Variants in USP6NL observed in about 807,000 individuals in gnomAD.
USP6NL encodes USP6 N-terminal like, also known as USP6 N-terminal-like protein.
A neutral mutation model predicts 61.9 loss-of-function variants in USP6NL; 26 were observed. The ratio of observed to expected loss-of-function variants is 0.42; its 90% confidence interval spans 0.31 to 0.58. The LOEUF (loss-of-function observed/expected upper bound fraction) is 0.58. Ranked by LOEUF, USP6NL falls within the 20% of genes least tolerant of loss-of-function variation. The probability of loss-of-function intolerance (pLI) is 0.16; values close to 1 mark genes in which losing one functional copy is unlikely to be tolerated. For missense variants in USP6NL, 1,114 were observed against 1,034.3 expected (o/e 1.08, Z -1.06); for synonymous variants, 432 against 390.1 (o/e 1.11, Z -1.27).
chr10:11,563,430 A>G (rs910526485), intron 2 of USP6NL: 1 of 152,132 alleles, frequency 6.6e-6, no homozygotes, highest in Non-Finnish European at 1.5e-5. Flanking sequence ...ACATACACAC[A>G]AATGTCACAC....
intron 3 of USP6NL, 48 bp downstream of exon 3, chr10:11,527,452 T>C (rs1197399476): frequency 4.6e-6 from 7 of 1,516,634 alleles, no homozygotes; most frequent in East Asian, 2.4e-5. Flanking sequence ...TCTATTTATA[T>C]GGTTTTTCTA....
chr10:11,492,129 C>T (rs1210883147), intron 8 of USP6NL, among the ~76,000 whole-genome samples: 3 of 152,110 alleles, frequency 2.0e-5, no homozygotes, highest in Admixed American at 6.5e-5. Context: ...GGCATCCTCA[C>T]GTGGGGAAAG....
intron 2 of USP6NL, among the ~76,000 whole-genome samples, chr10:11,551,228 G>T (rs1836469978): frequency 6.6e-6 from 1 of 152,132 alleles, no homozygotes; most frequent in Admixed American, 6.5e-5. Context: ...CCATCAATTG[G>T]TGAAAAGGTA....
At position 11,496,901 on chromosome 10, in the gene USP6NL, C is replaced by T. The variant is rs946713424; in HGVS notation, c.385-3673G>A. The stretch of plus-strand genomic sequence containing the variant: ...AAGGTCAGAGAAGGGGCTTCTGCAG[C>T]TTTTTAAAACAGGAAGAACAGCCAC... On this transcript the variant is annotated intron_variant, in intron 7 of 14. Transcript: ENST00000609104. The surrounding 1 kb of genome is among the most constrained non-coding windows in gnomAD (Gnocchi z 5.4). 1.3e-5 allele frequency among the ~76,000 whole-genome samples: 2 copies of T among 151,964 alleles called. No individual in the cohort carries two copies. The highest frequency in any genetic ancestry group is 4.8e-5 in the African/African-American group (2 of 41,342).
At chr10:11,603,693 G>A (rs1173311630) in intron 1 of USP6NL, among the ~76,000 whole-genome samples, 4 of 152,012 alleles carry the variant, frequency 2.6e-5, no homozygotes, top group African/African-American at 9.7e-5. Context: ...TCCACAACAC[G>A]CAAAAACTGC....
chr10:11,531,875 C>G (rs1835675027), intron 2 of USP6NL, among the ~76,000 whole-genome samples: 1 of 152,118 alleles, frequency 6.6e-6, no homozygotes, highest in Admixed American at 6.5e-5. Context: ...AAAATGACAA[C>G]TCCACATTTT....
chr10:11,547,579 G>A (rs557503573), intron 2 of USP6NL, among the ~76,000 whole-genome samples: 7 of 141,146 alleles, frequency 5.0e-5, no homozygotes, highest in Admixed American at 2.3e-4. Context: ...TCACTCTGTC[G>A]CCCACGCTGA....
At chr10:11,469,354 T>C (rs1022535819) in intron 14 of USP6NL, among the ~76,000 whole-genome samples, 2 of 152,184 alleles carry the variant, frequency 1.3e-5, no homozygotes, top group African/African-American at 4.8e-5. Context: ...TGAGTTAGAG[T>C]AATGACACAC....
chr10:11,473,307 C>A (rs2133188212), intron 14 of USP6NL, among the ~76,000 whole-genome samples: 1 of 152,258 alleles, frequency 6.6e-6, no homozygotes, highest in East Asian at 1.9e-4. Flanking sequence ...GGTTACTGTC[C>A]CAGGGAACTT....
At chr10:11,603,985 C>A (rs1288915771) in intron 1 of USP6NL, among the ~76,000 whole-genome samples, 4 of 152,100 alleles carry the variant, frequency 2.6e-5, no homozygotes, top group African/African-American at 9.7e-5. Context: ...TATAGGAAGT[C>A]CTCAATGCAA....
intron 8 of USP6NL, among the ~76,000 whole-genome samples, 196 bp downstream of exon 8, chr10:11,492,923 G>A (rs1387226735): frequency 6.6e-6 from 1 of 152,036 alleles, no homozygotes; most frequent in Non-Finnish European, 1.5e-5. Context: ...TTTATAGCAC[G>A]TGCTATATCA....
intron 2 of USP6NL, among the ~76,000 whole-genome samples, chr10:11,568,748 T>G (rs923074576): frequency 6.6e-6 from 1 of 152,278 alleles, no homozygotes; most frequent in African/African-American, 2.4e-5. Context: ...CCATATTGCT[T>G]TTGTCCTTAC....
chr10:11,462,697 C>G lies in USP6NL; in HGVS notation c.2231G>C (p.Arg744Thr), dbSNP rs950764908. Residue 744 changes from arginine to threonine, a missense_variant, in exon 15 of 15, where the codon AGA becomes ACA. Coordinates refer to ENST00000609104, the MANE Select transcript of USP6NL (RefSeq NM_014688.5). ...CCATGATTGTCCCTGCGTCTCAGGT[C>G]TGTATGTATAACTAACTTCTGACCA... ...RTWSEVSYTY[R>T]PETQGQSWTR... 7 of 1,613,868 alleles carry G rather than the reference C, an allele frequency of 4.3e-6. No individual in the cohort carries two copies. The African/African-American group carries it at 8.0e-5, about 18-fold the overall frequency.
chr10:11,603,928 A>G (rs1270884421), intron 1 of USP6NL, among the ~76,000 whole-genome samples: 1 of 152,246 alleles, frequency 6.6e-6, no homozygotes, highest in Admixed American at 6.5e-5. Context: ...ACTGGAATTC[A>G]GCAGTACAAT....
chr10:11,502,714 T>C (rs1834254120), intron 6 of USP6NL, among the ~76,000 whole-genome samples: 1 of 152,246 alleles, frequency 6.6e-6, no homozygotes, highest in South Asian at 2.1e-4. Flanking sequence ...TTCGATCATG[T>C]GGTTGAAGGT....
rs547565617 is a variant in USP6NL, at chr10:11,465,214, C to A, written c.1079-1365G>T. ...TCTGACAGTTTTCTAAGGGCAGAAC[C>A]CAGTAATCTGATTGGCTAATTCAGT... On this transcript the variant is annotated intron_variant, in intron 14 of 14. Transcript: ENST00000609104. The surrounding 1 kb of genome is among the most constrained non-coding windows in gnomAD (Gnocchi z 4.5). Among the ~76,000 whole-genome samples the A allele has an allele frequency of 6.6e-6, 1 of 152,324 alleles. No individual in the cohort carries two copies. Among genetic ancestry groups the A allele is most frequent in the East Asian group, 1.9e-4 (1 of 5,190 alleles).
rs1206671173 is a variant in USP6NL, at chr10:11,589,849, T to C, written c.4+7782A>G. On this transcript the variant is annotated intron_variant, in intron 2 of 14. Coordinates refer to ENST00000609104, the MANE Select transcript of USP6NL (RefSeq NM_014688.5). This position sits in a 1 kb window ranked among gnomAD's most constrained non-coding sequence, Gnocchi z 4.7. ...AAGCTTAACACCTGAATGCTACCAA[T>C]GTGTGAGAACAAAATCAAACCGGTG... 6.6e-6 allele frequency among the ~76,000 whole-genome samples: 1 copy of C among 152,222 alleles called. No homozygotes were observed. Among genetic ancestry groups the C allele is most frequent in the African/African-American group, 2.4e-5 (1 of 41,448 alleles).
chr10:11,588,178 A>T (rs1377457044), intron 2 of USP6NL, among the ~76,000 whole-genome samples: 2 of 152,246 alleles, frequency 1.3e-5, no homozygotes, highest in East Asian at 3.8e-4. Flanking sequence ...AGAAAATCTG[A>T]GGAACTATTC....
chr10:11,595,706 A>G lies in USP6NL; in HGVS notation c.4+1925T>C, dbSNP rs1255609181. Among the ~76,000 whole-genome samples, 2 of 152,248 alleles carry G rather than the reference A, an allele frequency of 1.3e-5. No individual in the cohort carries two copies. Among genetic ancestry groups the G allele is most frequent in the East Asian group, 3.8e-4 (2 of 5,196 alleles). ...AAAACTTCCATCAGAATGTGCCTGCAAATTACAGAACATGATGAAAATATC... is the reference window on the plus strand; with the variant it reads ...AAAACTTCCATCAGAATGTGCCTGCGAATTACAGAACATGATGAAAATATC... On this transcript the variant is annotated intron_variant, in intron 2 of 14. Coordinates refer to ENST00000609104, the MANE Select transcript of USP6NL (RefSeq NM_014688.5). The surrounding 1 kb of genome is among the most constrained non-coding windows in gnomAD (Gnocchi z 5.3).
Sources: allele counts gnomAD v4.1 joint callset (sites outside exome capture counted in the v4.1 genomes callset), GRCh38; gene constraint gnomAD v4.1.1; non-coding constraint Gnocchi (gnomAD v3.1); transcripts MANE v1.5; gene names NCBI Gene and HGNC (gene_info 2026-07-23, HGNC 2026-07-21).